Variants in GSK3B observed in about 807,000 individuals in gnomAD.
GSK3B encodes the protein glycogen synthase kinase 3 beta.
In GSK3B, 15 loss-of-function variants were observed where a neutral mutation model predicts 56.4. That is an observed-to-expected ratio of 0.27 (90% CI 0.18 to 0.41). The LOEUF (loss-of-function observed/expected upper bound fraction) is 0.41. GSK3B is among the 10% of genes least tolerant of loss of function. GSK3B has a pLI of 1.00. For missense variants in GSK3B, 300 were observed against 513.4 expected (o/e 0.58, Z 4.02); for synonymous variants, 181 against 188.9 (o/e 0.96, Z 0.34).
chr3:119,915,912 C>A, intron 5 of GSK3B, 132 bp downstream of exon 5: 1 of 576,874 alleles, frequency 1.7e-6, no homozygotes, highest in Non-Finnish European at 3.1e-6. Flanking sequence ...ACTCTCACAG[C>A]TGCACTAGTT....
intron 1 of GSK3B, among the ~76,000 whole-genome samples, chr3:120,032,747 T>C (rs1039734130): frequency 6.6e-6 from 1 of 152,258 alleles, no homozygotes; most frequent in Non-Finnish European, 1.5e-5. Context: ...TTTGGCAGCA[T>C]ATATATTCTA....
intron 1 of GSK3B, among the ~76,000 whole-genome samples, chr3:120,038,965 T>C (rs1051126861): frequency 1.7e-5 from 2 of 118,704 alleles, no homozygotes; most frequent in Non-Finnish European, 1.7e-5. Flanking sequence ...AGGGCTAGTA[T>C]CCAAAATATA....
Position 119,946,991 on chromosome 3 carries a change from TA to T in GSK3B, c.366+276del, listed in dbSNP as rs74697968. On this transcript the variant is annotated intron_variant, in intron 3 of 10. Transcript: ENST00000264235. Reference sequence around the variant, plus strand: ...AGCACATAAGGAACATAGATGTCTTTAAAAAAAAAAAAAGTATATAGATTTT... The same window carrying T: ...AGCACATAAGGAACATAGATGTCTTTAAAAAAAAAAAAGTATATAGATTTT... Among the ~76,000 whole-genome samples the T allele has an allele frequency of 3.7e-3, 526 of 144,040 alleles. 1 individual carries two copies. Among genetic ancestry groups the T allele is most frequent in the South Asian group, 0.012 (56 of 4,592 alleles). 94.5% of individuals were successfully genotyped at this position (144,040 alleles called of 152,430 possible).
At chr3:119,890,994 T>G (rs2056495187) in intron 7 of GSK3B, among the ~76,000 whole-genome samples, 1 of 152,098 alleles carries the variant, frequency 6.6e-6, no homozygotes, top group Non-Finnish European at 1.5e-5. Flanking sequence ...AAACGTTTAC[T>G]TAGAGCCTAT....
At chr3:120,027,258 T>C (rs915914847) in intron 1 of GSK3B, among the ~76,000 whole-genome samples, 3 of 150,532 alleles carry the variant, frequency 2.0e-5, no homozygotes, top group Admixed American at 6.6e-5. Context: ...GTGCCTGTAA[T>C]CCCAGCTACT....
At chr3:119,861,415 G>A (rs2056099777) in intron 9 of GSK3B, among the ~76,000 whole-genome samples, 1 of 151,616 alleles carries the variant, frequency 6.6e-6, no homozygotes, top group Admixed American at 6.6e-5. Flanking sequence ...GGAGGCTGAG[G>A]CACAAGAATT....
chr3:119,939,661 T>G (rs891107427), intron 3 of GSK3B, among the ~76,000 whole-genome samples: 16 of 152,192 alleles, frequency 1.1e-4, no homozygotes, highest in African/African-American at 3.6e-4. Context: ...AGATAAGAAA[T>G]AATGTGGGCC....
intron 1 of GSK3B, among the ~76,000 whole-genome samples, chr3:120,061,340 T>C (rs1349870279): frequency 1.3e-5 from 2 of 152,262 alleles, no homozygotes; most frequent in African/African-American, 4.8e-5. Flanking sequence ...TATAATTTAC[T>C]AAATATTCTA....
chr3:120,050,176 C>A (rs906435039), intron 1 of GSK3B, among the ~76,000 whole-genome samples: 4 of 152,164 alleles, frequency 2.6e-5, no homozygotes, highest in African/African-American at 9.7e-5. Context: ...CCCATGAGAA[C>A]TAATCTAGTA....
At chr3:119,903,066 G>A (rs563746888) in intron 7 of GSK3B, among the ~76,000 whole-genome samples, 1 of 152,244 alleles carries the variant, frequency 6.6e-6, no homozygotes, top group African/African-American at 2.4e-5. Context: ...ACACTCTTAT[G>A]AAGTTTATTA....
At chr3:119,876,571 T>G (rs1269150625) in intron 7 of GSK3B, 63 bp from the exon 8 acceptor site, 4 of 894,762 alleles carry the variant, frequency 4.5e-6, no homozygotes, top group Non-Finnish European at 7.4e-6. Flanking sequence ...TCTCCATGTT[T>G]TCAGGCATTG....
At chr3:120,043,273 C>A (rs2058077915) in intron 1 of GSK3B, among the ~76,000 whole-genome samples, 1 of 152,106 alleles carries the variant, frequency 6.6e-6, no homozygotes. Flanking sequence ...GAGTCATGGG[C>A]CATTATCCAA....
At chr3:119,925,160 C>G (rs572080337) in intron 3 of GSK3B, among the ~76,000 whole-genome samples, 2 of 152,258 alleles carry the variant, frequency 1.3e-5, no homozygotes, top group Non-Finnish European at 2.9e-5. Context: ...AAAACCCCAT[C>G]TCTACAAAAA....
chr3:119,823,110 A>C lies in GSK3B; in HGVS notation c.*3678T>G, dbSNP rs1049570098. On this transcript the variant is annotated 3_prime_UTR_variant, in exon 11 of 11. Transcript: ENST00000264235. ...TGCAGTCTTCTGCCTTGCTGGAATG[A>C]ACACACGATGTTTCAAAAATAGTAA... 8.7e-6 allele frequency: 2 copies of C among 229,736 alleles called. No individual in the cohort carries two copies. Among genetic ancestry groups the C allele is most frequent in the Non-Finnish European group, 1.7e-5 (2 of 115,932 alleles). 14.2% of individuals were successfully genotyped at this position (229,736 alleles called of 1,614,324 possible).
At chr3:120,011,029 A>G (rs916699522) in intron 1 of GSK3B, among the ~76,000 whole-genome samples, 2 of 152,220 alleles carry the variant, frequency 1.3e-5, no homozygotes, top group Non-Finnish European at 2.9e-5. Context: ...AGATCATGCC[A>G]CTGTACTCCA....
At chr3:119,897,867 G>A (rs1199332973) in intron 7 of GSK3B, among the ~76,000 whole-genome samples, 1 of 151,282 alleles carries the variant, frequency 6.6e-6, no homozygotes, top group Non-Finnish European at 1.5e-5. Flanking sequence ...GGAAACAAGA[G>A]TGTAGGTACA....
At chr3:119,916,419 G>A (rs1317001666) in intron 4 of GSK3B, among the ~76,000 whole-genome samples, 1 of 152,080 alleles carries the variant, frequency 6.6e-6, no homozygotes, top group African/African-American at 2.4e-5. Context: ...CTCAAAAGAA[G>A]AAAATTTTAC....
chr3:119,871,034 C>A (rs114579632), intron 8 of GSK3B, among the ~76,000 whole-genome samples: 1 of 152,270 alleles, frequency 6.6e-6, no homozygotes, highest in Non-Finnish European at 1.5e-5. Context: ...CATTGAACAA[C>A]GGTTAAAACA....
intron 1 of GSK3B, among the ~76,000 whole-genome samples, chr3:120,077,628 TAG>T (rs1037588004): frequency 8.6e-5 from 13 of 151,724 alleles, no homozygotes; most frequent in Admixed American, 6.6e-5. Flanking sequence ...AAGAGTTGAG[TAG>T]ATTACAGTTG....
Sources: gnomAD v4.1 joint callset for allele counts (sites outside exome capture counted in the v4.1 genomes callset) on GRCh38, gnomAD v4.1.1 for gene constraint, MANE v1.5 for transcripts, NCBI Gene and HGNC (gene_info 2026-07-23, HGNC 2026-07-21) for gene names.